Variants in IKZF2 observed in about 807,000 individuals in gnomAD.
IKZF2 encodes IKAROS family zinc finger 2, also known as zinc finger protein Helios.
Under a neutral mutation model 49.2 loss-of-function variants are expected in IKZF2, and 15 were observed. That is an observed-to-expected ratio of 0.30 (90% CI 0.20 to 0.47). The LOEUF is 0.47. Among genes scored for constraint, IKZF2 ranks in the 20% least tolerant of loss-of-function variants. The pLI is 1.00. For synonymous variants in IKZF2, 227 were observed against 221.4 expected, an observed-to-expected ratio of 1.03 and a Z score of -0.23; for missense variants, 567 against 664.6, an observed-to-expected ratio of 0.85 and a Z score of 1.61.
Position 213,083,384 on chromosome 2 carries a change from C to CTTTTTTTTTT in IKZF2, c.140-26295_140-26286dup, listed in dbSNP as rs753296985. On this transcript the variant is annotated intron_variant, in intron 4 of 8. Transcript: ENST00000434687. Reference sequence around the variant, plus strand: ...ACTAGATTCTCATAGGACGGCGAACCTTTTTTTTTTTTTTTTTTTTTTTGA... The same window carrying CTTTTTTTTTT: ...ACTAGATTCTCATAGGACGGCGAACCTTTTTTTTTTTTTTTTTTTTTTTTTTTTTTTTTGA... Among the ~76,000 whole-genome samples the CTTTTTTTTTT allele has an allele frequency of 8.7e-5, 7 of 80,158 alleles. 2 individuals carry two copies. Among genetic ancestry groups the CTTTTTTTTTT allele is most frequent in the African/African-American group, 3.6e-4 (6 of 16,716 alleles). 52.6% of individuals were successfully genotyped at this position (80,158 alleles called of 152,430 possible).
intron 6 of IKZF2, among the ~76,000 whole-genome samples, chr2:213,036,314 A>G (rs1699020970): frequency 6.6e-6 from 1 of 152,186 alleles, no homozygotes; most frequent in Non-Finnish European, 1.5e-5. Context: ...GACATTAGGT[A>G]ACATCTCTTT....
intron 4 of IKZF2, among the ~76,000 whole-genome samples, chr2:213,101,455 GA>G (rs1376099846): frequency 2.0e-5 from 3 of 151,834 alleles, no homozygotes; most frequent in Non-Finnish European, 4.4e-5. Flanking sequence ...TCTGCCTAAA[GA>G]AAACACTAGG....
chr2:213,000,500 C>T lies in IKZF2; in HGVS notation c.*6860G>A, dbSNP rs535824149. ...CTGTACAAATGCAGAAATGCAGTAA[C>T]TGCCTTTAAAAGAAATGCCAAAGAA... On this transcript the variant is annotated 3_prime_UTR_variant, in exon 9 of 9. Transcript: ENST00000434687. 6.6e-6 allele frequency: 1 copy of T among 151,638 alleles called. No homozygotes were observed. The highest frequency in any genetic ancestry group is 6.6e-5 in the Admixed American group (1 of 15,122). 9.4% of individuals were successfully genotyped at this position (151,638 alleles called of 1,614,324 possible). A position where few individuals can be genotyped will look rare whatever the true frequency, so the allele number is the denominator to read the frequency against.
intron 6 of IKZF2, among the ~76,000 whole-genome samples, chr2:213,038,557 T>C (rs1340738860): frequency 6.6e-6 from 1 of 151,234 alleles, no homozygotes; most frequent in African/African-American, 2.4e-5. Context: ...AGAAGTTATT[T>C]ATGTACTTTT....
chr2:213,106,223 T>TA (rs1283261386), intron 4 of IKZF2, among the ~76,000 whole-genome samples: 7 of 149,762 alleles, frequency 4.7e-5, no homozygotes, highest in African/African-American at 1.8e-4. Context: ...CAATCTTTTT[T>TA]TAAAAAAATC....
At chr2:213,062,734 G>A (rs969326706) in intron 4 of IKZF2, among the ~76,000 whole-genome samples, 2 of 151,854 alleles carry the variant, frequency 1.3e-5, no homozygotes, top group African/African-American at 4.8e-5. Context: ...ACTTGAAATG[G>A]TGTTATATAC....
chr2:213,150,903 G>A (rs115095547), intron 1 of IKZF2, among the ~76,000 whole-genome samples: 1 of 148,054 alleles, frequency 6.8e-6, no homozygotes, highest in Non-Finnish European at 1.5e-5. Flanking sequence ...CAGGGTTTTT[G>A]GTTTTTTTTT....
chr2:213,030,911 C>T (rs988100854), intron 6 of IKZF2, among the ~76,000 whole-genome samples: 3 of 151,716 alleles, frequency 2.0e-5, no homozygotes, highest in African/African-American at 7.3e-5. Flanking sequence ...CTGCAACCTC[C>T]ACCTCCTGGG....
intron 6 of IKZF2, among the ~76,000 whole-genome samples, chr2:213,043,251 A>C (rs1699840219): frequency 6.6e-6 from 1 of 152,104 alleles, no homozygotes; most frequent in South Asian, 2.1e-4. Flanking sequence ...GATATTTTTC[A>C]AAGTATTTTT....
At chr2:213,118,259 A>T (rs1163161514) in intron 4 of IKZF2, among the ~76,000 whole-genome samples, 3 of 152,150 alleles carry the variant, frequency 2.0e-5, no homozygotes, top group Non-Finnish European at 4.4e-5. Flanking sequence ...CTGTGGTTTT[A>T]TAGGGGCTTT....
intron 7 of IKZF2, 54 bp downstream of exon 7, chr2:213,021,939 G>T: frequency 2.7e-6 from 3 of 1,103,712 alleles, no homozygotes; most frequent in South Asian, 1.6e-5. Flanking sequence ...TCTTCATGTT[G>T]AACTACAAAA....
intron 4 of IKZF2, among the ~76,000 whole-genome samples, chr2:213,098,312 T>G (rs1368984175): frequency 6.6e-6 from 1 of 152,066 alleles, no homozygotes; most frequent in Non-Finnish European, 1.5e-5. Context: ...GAATCCAAGT[T>G]TCCAATTTTA....
intron 8 of IKZF2, among the ~76,000 whole-genome samples, chr2:213,010,234 A>C (rs1176352615): frequency 6.6e-6 from 1 of 152,074 alleles, no homozygotes; most frequent in African/African-American, 2.4e-5. Flanking sequence ...GAGATGTAGA[A>C]ATGAGTCATC....
chr2:213,141,623 A>G lies in IKZF2; in HGVS notation c.139+6085T>C, dbSNP rs866621623. ...TACTCCTAAATCCTATTCATTTAAT[A>G]AGTCTCGGCTCAAGCAGTCTCCCCC... is the stretch of plus-strand genomic sequence containing the variant. On this transcript the variant is annotated intron_variant, in intron 4 of 8. Transcript: ENST00000434687. 3.3e-5 allele frequency among the ~76,000 whole-genome samples: 5 copies of G among 151,980 alleles called. No homozygotes were observed. In the South Asian group the frequency reaches 8.3e-4, roughly 25 times the overall value.
intron 4 of IKZF2, among the ~76,000 whole-genome samples, chr2:213,134,510 T>C (rs2060586155): frequency 6.6e-6 from 1 of 152,228 alleles, no homozygotes; most frequent in Non-Finnish European, 1.5e-5. Flanking sequence ...TGGCCACTGA[T>C]AATAGCACTG....
chr2:213,113,742 T>A (rs538824627), intron 4 of IKZF2, among the ~76,000 whole-genome samples: 1 of 152,154 alleles, frequency 6.6e-6, no homozygotes, highest in Non-Finnish European at 1.5e-5. Flanking sequence ...TTTTTTCTAA[T>A]TGTTTTAGGG....
At position 213,003,345 on chromosome 2, in the gene IKZF2, T is replaced by G. The variant is rs1007216135; in HGVS notation, c.*4015A>C. On this transcript the variant is annotated 3_prime_UTR_variant, in exon 9 of 9. Coordinates refer to ENST00000434687, the MANE Select transcript of IKZF2 (RefSeq NM_001387220.1). The stretch of plus-strand genomic sequence containing the variant: ...CATATACACAAACTTCAATTTCACC[T>G]CTTCCCACTTTTTTTTTCTTTTGGA... 6.6e-6 allele frequency: 1 copy of G among 152,052 alleles called. No individual in the cohort carries two copies. Among genetic ancestry groups the G allele is most frequent in the African/African-American group, 2.4e-5 (1 of 41,414 alleles). 9.4% of individuals were successfully genotyped at this position (152,052 alleles called of 1,614,324 possible).
chr2:213,149,348 T>C lies in IKZF2; in HGVS notation c.-15-704A>G, dbSNP rs184613473. On this transcript the variant is annotated intron_variant, in intron 2 of 8. Coordinates refer to ENST00000434687, the MANE Select transcript of IKZF2 (RefSeq NM_001387220.1). ...ACTTTGGTTGTGCTAGAGAGAATCA[T>C]TTAAAAAAAAAAAAAACTTTGGGCA... 4.5e-3 allele frequency among the ~76,000 whole-genome samples: 662 copies of C among 148,146 alleles called. 1 individual carries two copies. Among genetic ancestry groups the C allele is most frequent in the Admixed American group, 0.011 (172 of 15,056 alleles).
intron 6 of IKZF2, among the ~76,000 whole-genome samples, chr2:213,039,413 G>A (rs180974528): frequency 1.5e-3 from 222 of 152,056 alleles, no homozygotes; most frequent in African/African-American, 4.9e-3. Context: ...TTTAACAGAT[G>A]GGGATTTATA....
Sources: allele counts gnomAD v4.1 joint callset (sites outside exome capture counted in the v4.1 genomes callset), GRCh38; gene constraint gnomAD v4.1.1; transcripts MANE v1.5; gene names NCBI Gene and HGNC (gene_info 2026-07-23, HGNC 2026-07-21).